Variants in ICE2 observed in about 807,000 individuals in gnomAD.
ICE2 encodes little elongation complex subunit 2.
ICE2 carries 87 observed loss-of-function variants against 105.4 expected under a neutral mutation model. The ratio of observed to expected loss-of-function variants is 0.83; its 90% CI spans 0.69 to 0.99. ICE2 has a LOEUF of 0.99. Among genes scored for constraint, ICE2 ranks in the 50% least tolerant of loss-of-function variants. ICE2 has a pLI of 0.00. For synonymous variants in ICE2, 399 were observed against 392.0 expected (o/e 1.02, Z -0.21); for missense variants, 1,323 against 1,146.7 (o/e 1.15, Z -2.22).
At chr15:60,464,218 C>T (rs1262827248) in intron 5 of ICE2, among the ~76,000 whole-genome samples, 2 of 152,146 alleles carry the variant, frequency 1.3e-5, no homozygotes, top group African/African-American at 4.8e-5. Flanking sequence ...TTATCATTAG[C>T]TACCAAGTAA....
At chr15:60,464,992 T>C (rs911740117) in intron 5 of ICE2, among the ~76,000 whole-genome samples, 7 of 152,200 alleles carry the variant, frequency 4.6e-5, no homozygotes, top group African/African-American at 1.7e-4. Flanking sequence ...CTATGACTTA[T>C]GTATTAAAAA....
At chr15:60,476,802 C>T (rs1324539715) in intron 2 of ICE2, among the ~76,000 whole-genome samples, 2 of 152,190 alleles carry the variant, frequency 1.3e-5, no homozygotes, top group South Asian at 2.1e-4. Flanking sequence ...AACTTGAAAA[C>T]ACTGAATCCA....
At position 60,431,979 on chromosome 15, in the gene ICE2, G is replaced by A. The variant is rs757571297; in HGVS notation, c.2516C>T (p.Ser839Phe). ...LKEKLSALKI[S>F]NLFNILQHIL... ...GTGTTGGAGGATGTTAAATAAATTG[G>A]AAATCCTGATAAACAAAAGAAATTC... The change falls in exon 14 of 16, where the codon TCC becomes TTC. Residue 839 changes from serine (S) to phenylalanine (F), a missense_variant. Transcript: ENST00000261520. 1 of 1,410,368 alleles carries A rather than the reference G, an allele frequency of 7.1e-7. No individual in the cohort carries two copies. The allele number at this position is 1,410,368 out of a possible 1,614,324, so 87.4% of individuals were successfully genotyped here.
At chr15:60,450,932 T>C (rs533729928) in intron 9 of ICE2, among the ~76,000 whole-genome samples, 3 of 152,204 alleles carry the variant, frequency 2.0e-5, no homozygotes, top group Admixed American at 1.3e-4. Flanking sequence ...GAGGCATTCC[T>C]ACACAAAAAG....
intron 3 of ICE2, among the ~76,000 whole-genome samples, chr15:60,472,593 G>A (rs966365857): frequency 6.6e-6 from 1 of 152,162 alleles, no homozygotes; most frequent in Admixed American, 6.5e-5. Context: ...TATTTTAGGA[G>A]TTAGGTATGC....
At chr15:60,432,021 CA>C in intron 13 of ICE2, 37 bp from the exon 14 acceptor site, 2 of 1,204,110 alleles carry the variant, frequency 1.7e-6, no homozygotes, top group Non-Finnish European at 1.2e-6. Context: ...AATTAAACTG[CA>C]AAAAACTTAC....
chr15:60,435,513 C>T (rs202187033), intron 13 of ICE2, among the ~76,000 whole-genome samples: 7 of 150,748 alleles, frequency 4.6e-5, no homozygotes, highest in Non-Finnish European at 5.9e-5. Flanking sequence ...GCAGGAGAAT[C>T]GCTTGAACCC....
At chr15:60,469,167 G>A (rs962980955) in intron 3 of ICE2, among the ~76,000 whole-genome samples, 5 of 152,148 alleles carry the variant, frequency 3.3e-5, no homozygotes, top group Admixed American at 1.3e-4. Flanking sequence ...TGGAGCTGGA[G>A]GCCATTATCC....
At position 60,455,442 on chromosome 15, in the gene ICE2, C is replaced by A. The variant is rs1272008998; in HGVS notation, c.667G>T (p.Gly223Cys). The A allele has an allele frequency of 2.5e-6, 4 of 1,574,868 alleles. No homozygotes were observed. Among genetic ancestry groups the A allele is most frequent in the East Asian group, 2.2e-5 (1 of 44,668 alleles). The change falls in exon 7 of 16, where the codon GGC becomes TGC. Residue 223 changes from glycine (G) to cysteine (C), a missense_variant and splice_region_variant. Coordinates refer to ENST00000261520, the MANE Select transcript of ICE2 (RefSeq NM_024611.6). ...ACTGTTTTCACATATTTTACACTGC[C>A]CTAAATATGAAAAAAAAATCATTTT... The part of the protein sequence containing the change: ...LKLEKTLLAL[G>C]SVKYVKTVFP...
chr15:60,462,998 C>A (rs1344692865), intron 5 of ICE2, among the ~76,000 whole-genome samples: 2 of 152,078 alleles, frequency 1.3e-5, no homozygotes, highest in Admixed American at 1.3e-4. Flanking sequence ...AATTTTGTCA[C>A]AACGTACAGC....
intron 5 of ICE2, among the ~76,000 whole-genome samples, chr15:60,463,989 C>A (rs778311505): frequency 1.2e-4 from 19 of 152,180 alleles, no homozygotes; most frequent in Non-Finnish European, 2.6e-4. Context: ...ACAAGAGTTA[C>A]GTAGATGTTT....
chr15:60,478,941 C>T (rs2064852531), intron 1 of ICE2, 62 bp downstream of exon 1: 1 of 455,634 alleles, frequency 2.2e-6, no homozygotes, highest in Non-Finnish European at 4.4e-6. Context: ...CATGAGCACG[C>T]CCGCTGGCCC....
intron 15 of ICE2, among the ~76,000 whole-genome samples, chr15:60,427,810 G>A (rs1375005900): frequency 6.6e-6 from 1 of 152,170 alleles, no homozygotes; most frequent in Non-Finnish European, 1.5e-5. Context: ...TCTAGCTATG[G>A]GTTTATAAGC....
chr15:60,426,003 C>A (rs938431221), intron 15 of ICE2, among the ~76,000 whole-genome samples: 30 of 152,142 alleles, frequency 2.0e-4, no homozygotes, highest in African/African-American at 6.5e-4. Context: ...TCCACTGTAC[C>A]TAATGCTGGG....
chr15:60,453,500 C>T, intron 9 of ICE2, 103 bp downstream of exon 9: 1 of 1,490,692 alleles, frequency 6.7e-7, no homozygotes, highest in Non-Finnish European at 8.9e-7. Context: ...AATCTAAAGC[C>T]TGTATTTTTA....
chr15:60,441,643 T>A (rs1407408329), intron 12 of ICE2: 1 of 152,138 alleles, frequency 6.6e-6, no homozygotes, highest in Non-Finnish European at 1.5e-5. Context: ...AGAGGAGCAG[T>A]CTGAGATGAT....
chr15:60,464,020 G>A (rs1366368073), intron 5 of ICE2, among the ~76,000 whole-genome samples: 1 of 152,182 alleles, frequency 6.6e-6, no homozygotes, highest in Non-Finnish European at 1.5e-5. Context: ...TATCTGTTAA[G>A]CTGCATCTAT....
chr15:60,429,690 C>T (rs1197185427), intron 14 of ICE2, among the ~76,000 whole-genome samples: 1 of 152,116 alleles, frequency 6.6e-6, no homozygotes, highest in South Asian at 2.1e-4. Flanking sequence ...TAATCGGTTA[C>T]ATTTTCATCA....
intron 11 of ICE2, among the ~76,000 whole-genome samples, chr15:60,446,356 C>T (rs1295626016): frequency 6.6e-6 from 1 of 151,266 alleles, no homozygotes; most frequent in Admixed American, 6.6e-5. Flanking sequence ...GTAGTCAAAC[C>T]CTCATGCCGC....
Sources: allele counts gnomAD v4.1 joint callset (sites outside exome capture counted in the v4.1 genomes callset), GRCh38; gene constraint gnomAD v4.1.1; transcripts MANE v1.5; gene names NCBI Gene and HGNC (gene_info 2026-07-23, HGNC 2026-07-21).